Variants in TECRL observed in about 807,000 individuals in gnomAD.
TECRL encodes the protein trans-2,3-enoyl-CoA reductase-like.
Under a neutral mutation model 52.8 loss-of-function variants are expected in TECRL, and 63 were observed. The ratio of observed to expected loss-of-function variants is 1.19; its 90% CI spans 0.97 to 1.47. The LOEUF is 1.47. TECRL is among the 40% of genes most tolerant of loss of function. The pLI is 0.00. For synonymous variants in TECRL, 164 were observed against 141.9 expected, an observed-to-expected ratio of 1.16 and a Z score of -1.10; for missense variants, 482 against 429.6, an observed-to-expected ratio of 1.12 and a Z score of -1.08.
chr4:64,331,883 GATATAAC>G (rs2110052264), intron 2 of TECRL, among the ~76,000 whole-genome samples: 1 of 151,922 alleles, frequency 6.6e-6, no homozygotes, highest in South Asian at 2.1e-4. Flanking sequence ...AAAATTAAAT[GATATAAC>G]ATGTTCACAG....
chr4:64,335,697 A>G (rs1232905465), intron 2 of TECRL, among the ~76,000 whole-genome samples: 1 of 152,178 alleles, frequency 6.6e-6, no homozygotes, highest in African/African-American at 2.4e-5. Flanking sequence ...CTATGATATA[A>G]AACTTTTCTT....
intron 1 of TECRL, among the ~76,000 whole-genome samples, chr4:64,383,182 G>T (rs1722939675): frequency 6.6e-6 from 1 of 151,920 alleles, no homozygotes. Context: ...CTTTTCTCTT[G>T]CTGTTTTTTT....
At chr4:64,317,706 T>C (rs1458849896) in intron 4 of TECRL, among the ~76,000 whole-genome samples, 2 of 152,208 alleles carry the variant, frequency 1.3e-5, no homozygotes, top group African/African-American at 4.8e-5. Flanking sequence ...TGGAGATTTC[T>C]ATTCTATATA....
chr4:64,393,137 T>A (rs1469119323), intron 1 of TECRL, among the ~76,000 whole-genome samples: 1 of 151,986 alleles, frequency 6.6e-6, no homozygotes, highest in Non-Finnish European at 1.5e-5. Flanking sequence ...CTGTTTCCGT[T>A]ACCAAAATCT....
At chr4:64,296,357 T>G (rs1351623541) in intron 8 of TECRL, among the ~76,000 whole-genome samples, 1 of 151,878 alleles carries the variant, frequency 6.6e-6, no homozygotes, top group Non-Finnish European at 1.5e-5. Flanking sequence ...GAGGTATACC[T>G]ACTTGATAAA....
intron 2 of TECRL, among the ~76,000 whole-genome samples, chr4:64,353,322 A>G (rs1284485666): frequency 2.6e-5 from 4 of 152,156 alleles, no homozygotes; most frequent in Non-Finnish European, 5.9e-5. Context: ...ACTTGATGCT[A>G]GAGGTACTAA....
intron 11 of TECRL, among the ~76,000 whole-genome samples, 175 bp downstream of exon 11, chr4:64,280,866 A>T (rs1246782471): frequency 6.6e-6 from 1 of 152,152 alleles, no homozygotes; most frequent in Non-Finnish European, 1.5e-5. Flanking sequence ...TACAGAGACA[A>T]AGAGCAAAAG....
At position 64,300,081 on chromosome 4, in the gene TECRL, C is replaced by A. The variant is rs1723927604; in HGVS notation, c.731-64G>T. The A allele has an allele frequency of 8.0e-6, 10 of 1,252,044 alleles. No homozygotes were observed. In the South Asian group the frequency reaches 1.5e-4, roughly 19 times the overall value. The allele number at this position is 1,252,044 out of a possible 1,614,324, so 77.6% of individuals were successfully genotyped here. A position where few individuals can be genotyped will look rare whatever the true frequency, so the allele number is the denominator to read the frequency against. ...TAGTTTGGATTGTCAAATATATAGACATAATTCAGGCAGTATTTATTGGGT... is the reference window on the plus strand; with the variant it reads ...TAGTTTGGATTGTCAAATATATAGAAATAATTCAGGCAGTATTTATTGGGT... On this transcript the variant is annotated intron_variant, in intron 7 of 11. Transcript: ENST00000381210.
At chr4:64,397,755 T>C (rs1724053149) in intron 1 of TECRL, 2 of 152,210 alleles carry the variant, frequency 1.3e-5, no homozygotes, top group South Asian at 4.1e-4. Flanking sequence ...TGCTAATCTC[T>C]TTATTGTTCC....
intron 2 of TECRL, among the ~76,000 whole-genome samples, chr4:64,334,128 A>T (rs1049748138): frequency 4.0e-5 from 6 of 151,874 alleles, no homozygotes; most frequent in African/African-American, 1.4e-4. Flanking sequence ...TACTCCTTCT[A>T]AACAGTGGAA....
intron 4 of TECRL, among the ~76,000 whole-genome samples, chr4:64,321,942 A>G (rs976263744): frequency 3.3e-5 from 5 of 152,176 alleles, no homozygotes; most frequent in Non-Finnish European, 7.3e-5. Context: ...ATGTTCCTAG[A>G]TTACTAGAAG....
Position 64,300,026 on chromosome 4 carries a change from TAGAAAA to T in TECRL, c.731-15_731-10del. The T allele has an allele frequency of 6.4e-7, 1 of 1,566,292 alleles. No homozygotes were observed. Among genetic ancestry groups the T allele is most frequent in the African/African-American group, 1.4e-5 (1 of 73,404 alleles). ...TTGCCTGTTTCCAAATGCTGGAGAG[TAGAAAA>T]AGAATATGTCATGCAGATACTCATA... On this transcript the variant is annotated splice_polypyrimidine_tract_variant and intron_variant, in intron 7 of 11. Coordinates refer to ENST00000381210, the MANE Select transcript of TECRL (RefSeq NM_001010874.5).
chr4:64,298,027 A>AT (rs573971448), intron 8 of TECRL, among the ~76,000 whole-genome samples: 16 of 151,154 alleles, frequency 1.1e-4, no homozygotes, highest in African/African-American at 3.9e-4. Context: ...ACTACATTCA[A>AT]TTTTTTTACT....
At chr4:64,277,172 A>G (rs1722601642), downstream of TECRL, 5 of 628,246 alleles carry the variant, frequency 8.0e-6, no homozygotes, top group East Asian at 1.4e-4. Flanking sequence ...TGATGGAGCA[A>G]CTGGCATAAG....
At chr4:64,321,637 A>AT (rs1382749725) in intron 4 of TECRL, among the ~76,000 whole-genome samples, 2 of 152,074 alleles carry the variant, frequency 1.3e-5, no homozygotes, top group Admixed American at 1.3e-4. Context: ...TATTCCATTG[A>AT]TTTATTCTAT....
chr4:64,329,316 A>T (rs1180806484), intron 2 of TECRL, among the ~76,000 whole-genome samples: 1 of 151,954 alleles, frequency 6.6e-6, no homozygotes, highest in Non-Finnish European at 1.5e-5. Flanking sequence ...ATAAATTTTT[A>T]AAAGAGTATT....
rs112402490 is a variant in TECRL at position 64,284,735 on chromosome 4, T to C, written c.833-3176A>G. On this transcript the variant is annotated intron_variant, in intron 9 of 11. Transcript: ENST00000381210. ...AGTAGAACACAATGTCTCTAGAAGC[T>C]AGATAGTTGGATACCCAACAATGCT... Among the ~76,000 whole-genome samples the C allele has an allele frequency of 8.5e-3, 1,300 of 152,212 alleles. 17 individuals carry two copies. The highest frequency in any genetic ancestry group is 0.029 in the African/African-American group (1,220 of 41,560).
chr4:64,337,242 A>T lies in TECRL; in HGVS notation c.287-8686T>A, dbSNP rs529541041. On this transcript the variant is annotated intron_variant, in intron 2 of 11. Coordinates refer to ENST00000381210, the MANE Select transcript of TECRL (RefSeq NM_001010874.5). ...AATTCAGCAGCCCTTCATGCTAAAA[A>T]CTCTCAATAAATTAGGTATTGATGG... 2.1e-4 allele frequency among the ~76,000 whole-genome samples: 32 copies of T among 152,096 alleles called. No individual in the cohort carries two copies. In the East Asian group the frequency reaches 6.2e-3, roughly 29 times the overall value.
intron 4 of TECRL, among the ~76,000 whole-genome samples, chr4:64,316,551 G>T (rs1044199845): frequency 6.6e-6 from 1 of 152,040 alleles, no homozygotes; most frequent in Non-Finnish European, 1.5e-5. Context: ...TCAAGATGAA[G>T]AAAATAAGGG....
Sources: gnomAD v4.1 joint callset for allele counts (sites outside exome capture counted in the v4.1 genomes callset) on GRCh38, gnomAD v4.1.1 for gene constraint, MANE v1.5 for transcripts, NCBI Gene and HGNC (gene_info 2026-07-23, HGNC 2026-07-21) for gene names.